KCNK4: variants seen among roughly 807,000 people sequenced by gnomAD.
KCNK4 encodes the protein potassium channel subfamily K member 4.
In KCNK4, 22 loss-of-function variants were observed where a neutral mutation model predicts 28.8. The observed-to-expected ratio is 0.76, with a 90% CI of 0.55 to 1.09. The LOEUF is 1.09. KCNK4 is among the 50% of genes least tolerant of loss of function. The probability of loss-of-function intolerance (pLI) is 0.00; values close to 1 mark genes in which losing one functional copy is unlikely to be tolerated. For synonymous variants in KCNK4, 263 were observed against 252.9 expected (o/e 1.04, Z -0.38); for missense variants, 483 against 546.3 (o/e 0.88, Z 1.15).
chr11:64,297,643 C>T lies in KCNK4; in HGVS notation c.651C>T (p.Asp217=), dbSNP rs868098700. 2.5e-6 allele frequency: 4 copies of T among 1,609,318 alleles called. No individual in the cohort carries two copies. Among genetic ancestry groups the T allele is most frequent in the Middle Eastern group, 1.7e-4 (1 of 6,046 alleles). The change falls in exon 5 of 7, where the codon GAC becomes GAT. Residue 217 remains aspartate (D), a synonymous_variant. Coordinates refer to ENST00000422670, the MANE Select transcript of KCNK4 (RefSeq NM_033310.3). ...IVTLTTVGFG[D]YVAGADPRQD... is the part of the protein sequence containing the mutation. Reference sequence around the variant, plus strand: ...CGCTTACCACCGTGGGCTTTGGCGACTATGTGGCCGGTGAGGCCGCCCTTC... The same window carrying T: ...CGCTTACCACCGTGGGCTTTGGCGATTATGTGGCCGGTGAGGCCGCCCTTC...
chr11:64,295,449 A>C (rs973955603), intron 2 of KCNK4, among the ~76,000 whole-genome samples: 1 of 152,230 alleles, frequency 6.6e-6, no homozygotes, highest in Non-Finnish European at 1.5e-5. Context: ...ACCTGGAGTT[A>C]GCAGATGCCT....
Position 64,297,259 on chromosome 11 carries a change from C to T in KCNK4, c.454C>T (p.His152Tyr). The T allele has an allele frequency of 6.2e-7, 1 of 1,613,018 alleles. No homozygotes were observed. Among genetic ancestry groups the T allele is most frequent in the Non-Finnish European group, 8.5e-7 (1 of 1,179,420 alleles). The change falls in exon 4 of 7, where the codon CAC (histidine) becomes TAC (tyrosine). Residue 152 changes from histidine (H) to tyrosine (Y), a missense_variant. Coordinates refer to ENST00000422670, the MANE Select transcript of KCNK4 (RefSeq NM_033310.3). ...CTCCTCCCTGCGCCATGGCATCGGT[C>T]ACATTGAAGCCATCTTCTTGGTGAG... ...LGSSLRHGIG[H>Y]IEAIFLKWHV...
chr11:64,293,215 G>A lies in KCNK4; in HGVS notation c.189+8G>A. ...CTGGGCCTCCTCATCAAGGTGCGTG[G>A]GTGGGCCGCAGCCCCTTCAGCTGTC... On this transcript the variant is annotated splice_region_variant and intron_variant, in intron 2 of 6. Coordinates refer to ENST00000422670, the MANE Select transcript of KCNK4 (RefSeq NM_033310.3). 1 of 1,447,648 alleles carries A rather than the reference G, an allele frequency of 6.9e-7. No individual in the cohort carries two copies. The highest frequency in any genetic ancestry group is 9.1e-7 in the Non-Finnish European group (1 of 1,093,492). 89.7% of individuals were successfully genotyped at this position (1,447,648 alleles called of 1,614,324 possible).
At chr11:64,292,790 T>G in intron 1 of KCNK4, 152 bp from the exon 2 acceptor site, 19 of 729,858 alleles carry the variant, frequency 2.6e-5, no homozygotes, top group Middle Eastern at 4.6e-4. Flanking sequence ...AGGCTGGAGA[T>G]AGGAGGGGGA....
At position 64,295,848 on chromosome 11, in the gene KCNK4, G is replaced by C. The variant is rs559803735; in HGVS notation, c.190-1030G>C. On this transcript the variant is annotated intron_variant, in intron 2 of 6. Transcript: ENST00000422670. ...GAGGACTTCAGTCAGGGGGCGAAGA[G>C]GTGCTTTATGATACGCCCCACAGAC... is the stretch of plus-strand genomic sequence containing the variant. 7.7e-4 allele frequency among the ~76,000 whole-genome samples: 117 copies of C among 152,154 alleles called. 1 individual carries two copies. Among genetic ancestry groups the C allele is most frequent in the African/African-American group, 2.6e-3 (107 of 41,502 alleles).
intron 1 of KCNK4, chr11:64,292,074 A>G: frequency 2.7e-6 from 3 of 1,113,044 alleles, no homozygotes; most frequent in African/African-American, 1.7e-5. Flanking sequence ...CGGCACGCCC[A>G]TGGGGGCCGG....
Position 64,292,933 on chromosome 11 carries a change from T to C in KCNK4, c.-77-9T>C. 1.4e-6 allele frequency: 2 copies of C among 1,458,378 alleles called. No homozygotes were observed. The highest frequency in any genetic ancestry group is 1.4e-5 in the South Asian group (1 of 71,368). 90.3% of individuals were successfully genotyped at this position (1,458,378 alleles called of 1,614,324 possible). ...TCAGTGACCCCAGCATCCCTGGTTT[T>C]GCCCGCAGTGACGACAGCTCCCCAG... is the stretch of plus-strand genomic sequence containing the variant. On this transcript the variant is annotated splice_polypyrimidine_tract_variant and intron_variant, in intron 1 of 6. Transcript: ENST00000422670.
chr11:64,299,815 A>T lies in KCNK4; in HGVS notation c.*89A>T. 6.5e-7 allele frequency: 1 copy of T among 1,535,240 alleles called. No homozygotes were observed. Among genetic ancestry groups the T allele is most frequent in the Non-Finnish European group, 8.7e-7 (1 of 1,146,614 alleles). ...TGTTTGACCAAAGAGCCCTCTTTCC[A>T]CGAGACTGAAGTCTGGGGAGGAGGC... On this transcript the variant is annotated 3_prime_UTR_variant, in exon 7 of 7. Coordinates refer to ENST00000422670, the MANE Select transcript of KCNK4 (RefSeq NM_033310.3).
chr11:64,295,807 A>G (rs1439020222), intron 2 of KCNK4, among the ~76,000 whole-genome samples: 1 of 151,934 alleles, frequency 6.6e-6, no homozygotes, highest in African/African-American at 2.4e-5. Context: ...ATTAGTTTGG[A>G]CTAAGTCTTG....
intron 2 of KCNK4, 138 bp from the exon 3 acceptor site, chr11:64,296,740 C>G (rs1215306958): frequency 1.2e-6 from 1 of 800,816 alleles, no homozygotes; most frequent in African/African-American, 1.8e-5. Flanking sequence ...CTGTAAGGGA[C>G]TGCCTCCTGG....
rs768358494 is a variant in KCNK4, at chr11:64,299,470, G to A, written c.926G>A (p.Cys309Tyr). The change falls in exon 7 of 7, where the codon TGT becomes TAT. Residue 309 changes from cysteine to tyrosine, a missense_variant. Coordinates refer to ENST00000422670, the MANE Select transcript of KCNK4 (RefSeq NM_033310.3). Reference sequence around the variant, plus strand: ...CAGCCACTGCTGCCTCCACCGCCCTGTCCAGCGCAGCCGCTGGGCAGGCCC... The same window carrying A: ...CAGCCACTGCTGCCTCCACCGCCCTATCCAGCGCAGCCGCTGGGCAGGCCC... The part of the protein sequence containing the change: ...KEQPLLPPPP[C>Y]PAQPLGRPRS... 17 of 1,605,882 alleles carry A rather than the reference G, an allele frequency of 1.1e-5. No individual in the cohort carries two copies. The Middle Eastern group carries it at 6.6e-4, about 62-fold the overall frequency.
intron 5 of KCNK4, 42 bp downstream of exon 5, chr11:64,297,695 A>G: frequency 1.3e-6 from 2 of 1,578,186 alleles, no homozygotes; most frequent in African/African-American, 2.7e-5. Flanking sequence ...CATCTACTTT[A>G]TTCCTGATCA....
chr11:64,292,175 C>A lies in KCNK4; in HGVS notation c.-78+609C>A, dbSNP rs576605286. The stretch of plus-strand genomic sequence containing the variant: ...GCAGCCTCGGGATGGAGCGTGGGCG[C>A]GCGGGTCTTTGTGCCCGCGCTTGGC... On this transcript the variant is annotated intron_variant, in intron 1 of 6. Transcript: ENST00000422670. 2.4e-5 allele frequency: 21 copies of A among 872,732 alleles called. No individual in the cohort carries two copies. In the East Asian group the frequency reaches 1.9e-3, roughly 80 times the overall value. The allele number at this position is 872,732 out of a possible 1,614,324, so 54.1% of individuals were successfully genotyped here.
In KCNK4 at chr11:64,299,150, A is replaced by T. The variant is rs75123126; in HGVS notation, c.802-196A>T. On this transcript the variant is annotated intron_variant, in intron 6 of 6. Coordinates refer to ENST00000422670, the MANE Select transcript of KCNK4 (RefSeq NM_033310.3). ...GTTTCTCTGAAATTCACATTTAGCC[A>T]GGCGATTTGTATTTTGCCACCCTGC... is the stretch of plus-strand genomic sequence containing the variant. Among the ~76,000 whole-genome samples the T allele has an allele frequency of 5.3e-5, 8 of 151,152 alleles. No individual in the cohort carries two copies. In the East Asian group the frequency reaches 1.2e-3, roughly 22 times the overall value.
intron 6 of KCNK4, among the ~76,000 whole-genome samples, chr11:64,298,956 G>A (rs1006030999): frequency 2.0e-5 from 3 of 148,354 alleles, no homozygotes; most frequent in East Asian, 2.0e-4. Context: ...CAGGAGAATC[G>A]CTTGAACCGG....
At position 64,292,036 on chromosome 11, in the gene KCNK4, G is replaced by T. The variant is rs116955504; in HGVS notation, c.-78+470G>T. 3.7e-4 allele frequency: 424 copies of T among 1,155,998 alleles called. 7 individuals carry two copies. In the East Asian group the frequency reaches 0.032, roughly 88 times the overall value. The allele number at this position is 1,155,998 out of a possible 1,614,324, so 71.6% of individuals were successfully genotyped here. Reference sequence around the variant, plus strand: ...TGCACGCTAGTGTCCACACACGTGTGCGTGGGCTCTGGGTGCCCTGGCGCG... The same window carrying T: ...TGCACGCTAGTGTCCACACACGTGTTCGTGGGCTCTGGGTGCCCTGGCGCG... On this transcript the variant is annotated intron_variant, in intron 1 of 6. Transcript: ENST00000422670.
In KCNK4 at chr11:64,292,988, C is replaced by T; in HGVS notation, c.-31C>T. The T allele has an allele frequency of 6.6e-7, 1 of 1,520,598 alleles. No homozygotes were observed. Among genetic ancestry groups the T allele is most frequent in the Non-Finnish European group, 8.8e-7 (1 of 1,135,834 alleles). The allele number at this position is 1,520,598 out of a possible 1,614,324, so 94.2% of individuals were successfully genotyped here. ...CCCCCGCCCGGCCCCTCCAGGCGGGCAGTGGAGCTGGCCCGGCGCCTGGGC... is the reference window on the plus strand; with the variant it reads ...CCCCCGCCCGGCCCCTCCAGGCGGGTAGTGGAGCTGGCCCGGCGCCTGGGC... On this transcript the variant is annotated 5_prime_UTR_variant, in exon 2 of 7. Coordinates refer to ENST00000422670, the MANE Select transcript of KCNK4 (RefSeq NM_033310.3).
chr11:64,295,005 T>C (rs1591226522), intron 2 of KCNK4, among the ~76,000 whole-genome samples: 1 of 152,062 alleles, frequency 6.6e-6, no homozygotes, highest in African/African-American at 2.4e-5. Context: ...CCTAGAAGGG[T>C]GGGTGACAGC....
chr11:64,291,892 G>A, intron 1 of KCNK4: 1 of 384,502 alleles, frequency 2.6e-6, no homozygotes, highest in Non-Finnish European at 3.9e-6. Context: ...GGCGCCTCCG[G>A]GAGTGGTGTG....
Sources: gnomAD v4.1 joint callset for allele counts (sites outside exome capture counted in the v4.1 genomes callset) on GRCh38, gnomAD v4.1.1 for gene constraint, MANE v1.5 for transcripts, NCBI Gene and HGNC (gene_info 2026-07-23, HGNC 2026-07-21) for gene names.